Variants in ADGRB3 observed in about 807,000 individuals in gnomAD.
ADGRB3 encodes adhesion G protein-coupled receptor B3, also known as brain-specific angiogenesis inhibitor 3.
A neutral mutation model predicts 193.4 loss-of-function variants in ADGRB3; 37 were observed. The observed-to-expected ratio is 0.19, with a 90% CI of 0.15 to 0.25. The LOEUF is 0.25. ADGRB3 is among the 10% of genes least tolerant of loss of function. ADGRB3 has a pLI of 1.00. For missense variants in ADGRB3, 1,637 were observed against 1,852.9 expected, an observed-to-expected ratio of 0.88 and a Z score of 2.14; for synonymous variants, 690 against 644.2, an observed-to-expected ratio of 1.07 and a Z score of -1.08.
chr6:68,799,692 A>C (rs1406479526), intron 3 of ADGRB3, among the ~76,000 whole-genome samples: 1 of 152,214 alleles, frequency 6.6e-6, no homozygotes, highest in Admixed American at 6.5e-5. Flanking sequence ...ACATGAGGAA[A>C]TAGATAAAGG....
intron 4 of ADGRB3, 127 bp from the exon 5 acceptor site, chr6:68,936,392 C>T: frequency 4.6e-5 from 46 of 993,478 alleles, no homozygotes; most frequent in Middle Eastern, 3.1e-4. Context: ...TTTCATGTAC[C>T]TTTTGATGTA....
intron 3 of ADGRB3, among the ~76,000 whole-genome samples, chr6:68,703,047 G>T (rs1373420785): frequency 1.3e-5 from 2 of 152,142 alleles, no homozygotes; most frequent in African/African-American, 2.4e-5. Flanking sequence ...GATATAAGAT[G>T]CATTGATGGG....
At chr6:68,726,348 G>A (rs1057351652) in intron 3 of ADGRB3, among the ~76,000 whole-genome samples, 2 of 151,650 alleles carry the variant, frequency 1.3e-5, no homozygotes, top group Admixed American at 6.6e-5. Flanking sequence ...TTCTCAAGAT[G>A]TGCACACAGT....
chr6:68,640,058 C>T (rs1768049142), intron 3 of ADGRB3, among the ~76,000 whole-genome samples: 2 of 152,222 alleles, frequency 1.3e-5, no homozygotes, highest in Non-Finnish European at 2.9e-5. Flanking sequence ...CGCACGCTTG[C>T]TCTTTCTTGG....
At chr6:69,150,507 T>C (rs555816117) in intron 17 of ADGRB3, among the ~76,000 whole-genome samples, 1 of 152,276 alleles carries the variant, frequency 6.6e-6, no homozygotes, top group African/African-American at 2.4e-5. Context: ...TTCAGGTCAG[T>C]GCCCTACATC....
chr6:68,789,886 G>A (rs115469781), intron 3 of ADGRB3, among the ~76,000 whole-genome samples: 5,106 of 152,028 alleles, frequency 0.034, 280 homozygotes, highest in African/African-American at 0.11. Flanking sequence ...TTCTCTTCTC[G>A]CTGCATTTCA....
At chr6:68,662,595 A>G (rs1201836166) in intron 3 of ADGRB3, among the ~76,000 whole-genome samples, 1 of 151,558 alleles carries the variant, frequency 6.6e-6, no homozygotes, top group African/African-American at 2.4e-5. Context: ...GTCTGAGTTA[A>G]AGATAAAAGT....
At chr6:69,343,876 T>G (rs534063939) in intron 26 of ADGRB3, among the ~76,000 whole-genome samples, 12 of 152,330 alleles carry the variant, frequency 7.9e-5, no homozygotes, top group Admixed American at 2.6e-4. Context: ...TCTTCATTTA[T>G]CCATCATTGG....
At chr6:68,893,034 G>A (rs537806600) in intron 3 of ADGRB3, among the ~76,000 whole-genome samples, 1 of 152,146 alleles carries the variant, frequency 6.6e-6, no homozygotes, top group Admixed American at 6.6e-5. Context: ...GGACCTCTAT[G>A]ACCCTTGAAA....
chr6:68,657,465 A>G (rs148117578), intron 3 of ADGRB3, among the ~76,000 whole-genome samples: 1 of 151,516 alleles, frequency 6.6e-6, no homozygotes, highest in East Asian at 1.9e-4. Context: ...AGAGCTTCAA[A>G]ATTTTATGCT....
intron 17 of ADGRB3, among the ~76,000 whole-genome samples, chr6:69,150,007 C>G (rs1285287869): frequency 1.3e-5 from 2 of 150,158 alleles, no homozygotes; most frequent in East Asian, 3.9e-4. Flanking sequence ...AGGGGTGACA[C>G]AAGCACCTCT....
intron 15 of ADGRB3, among the ~76,000 whole-genome samples, chr6:69,051,247 C>T (rs1003878168): frequency 2.0e-5 from 3 of 152,058 alleles, no homozygotes; most frequent in African/African-American, 4.8e-5. Flanking sequence ...CCTGATGCCA[C>T]GTGTAACATA....
intron 3 of ADGRB3, among the ~76,000 whole-genome samples, chr6:68,824,758 A>G (rs1767811569): frequency 6.6e-6 from 1 of 150,834 alleles, no homozygotes; most frequent in Non-Finnish European, 1.5e-5. Flanking sequence ...CTTTTTTTAT[A>G]GTATCTTGTT....
chr6:69,233,182 A>G (rs1582564762), intron 17 of ADGRB3, 108 bp from the exon 18 acceptor site: 2 of 1,418,908 alleles, frequency 1.4e-6, no homozygotes, highest in Non-Finnish European at 1.9e-6. Context: ...TTTCCTGTAC[A>G]GGAATTACAG....
chr6:68,967,863 G>A (rs1308570110), intron 8 of ADGRB3, among the ~76,000 whole-genome samples: 1 of 151,998 alleles, frequency 6.6e-6, no homozygotes, highest in Non-Finnish European at 1.5e-5. Flanking sequence ...ATTGAAGGCG[G>A]GAAAGACATG....
chr6:68,781,018 G>T (rs116368621), intron 3 of ADGRB3, among the ~76,000 whole-genome samples: 1 of 152,122 alleles, frequency 6.6e-6, no homozygotes, highest in Non-Finnish European at 1.5e-5. Flanking sequence ...TGTCTTAAGC[G>T]AAGCTTTTAT....
At chr6:69,193,348 T>G (rs148235246) in intron 17 of ADGRB3, among the ~76,000 whole-genome samples, 338 of 152,248 alleles carry the variant, frequency 2.2e-3, no homozygotes, top group African/African-American at 7.6e-3. Flanking sequence ...AACAAAAACT[T>G]TTTTGTGATT....
intron 6 of ADGRB3, among the ~76,000 whole-genome samples, chr6:68,948,370 T>C (rs983611948): frequency 1.3e-5 from 2 of 152,160 alleles, no homozygotes; most frequent in Non-Finnish European, 2.9e-5. Context: ...ATTTGATCAC[T>C]TTAGAACCCT....
chr6:69,316,794 A>C (rs1768322043), intron 20 of ADGRB3, among the ~76,000 whole-genome samples: 1 of 151,564 alleles, frequency 6.6e-6, no homozygotes, highest in South Asian at 2.1e-4. Flanking sequence ...TCTTTCAAGA[A>C]GTTTGACCAC....
Sources: gnomAD v4.1 joint callset for allele counts (sites outside exome capture counted in the v4.1 genomes callset) on GRCh38, gnomAD v4.1.1 for gene constraint, MANE v1.5 for transcripts, NCBI Gene and HGNC (gene_info 2026-07-23, HGNC 2026-07-21) for gene names.